Variants in ATM observed in about 807,000 individuals in gnomAD.
ATM encodes ATM serine/threonine kinase.
ATM carries 308 observed loss-of-function variants against 387.0 expected under a neutral mutation model. The ratio of observed to expected loss-of-function variants is 0.80; its 90% CI spans 0.73 to 0.87. The LOEUF (loss-of-function observed/expected upper bound fraction) is 0.87. Ranked by LOEUF, ATM falls within the 40% of genes least tolerant of loss-of-function variation. The pLI is 0.00. For synonymous variants in ATM, 1,156 were observed against 1,187.3 expected (o/e 0.97, Z 0.54); for missense variants, 3,312 against 3,560.9 (o/e 0.93, Z 1.78).
intron 40 of ATM, 71 bp from the exon 41 acceptor site, chr11:108,315,752 A>G (rs1466579778): frequency 1.1e-5 from 13 of 1,190,098 alleles, no homozygotes; most frequent in South Asian, 2.5e-5. Context: ...TAATGATACA[A>G]TTTAAAATTT....
chr11:108,237,924 T>G (rs2079370245), intron 5 of ATM, among the ~76,000 whole-genome samples: 2 of 98,446 alleles, frequency 2.0e-5, no homozygotes, highest in East Asian at 2.8e-4. Flanking sequence ...TTTTTTTTTT[T>G]GCTTCTTTGT....
intron 34 of ATM, 46 bp downstream of exon 34, chr11:108,299,931 A>AT: frequency 6.6e-7 from 1 of 1,521,996 alleles, no homozygotes; most frequent in Non-Finnish European, 9.1e-7. Context: ...TATGACATTC[A>AT]TGGAGAATGA....
intron 7 of ATM, among the ~76,000 whole-genome samples, chr11:108,245,294 C>T (rs529379905): frequency 6.6e-6 from 1 of 152,264 alleles, no homozygotes; most frequent in East Asian, 1.9e-4. Context: ...CCTCTAGGAG[C>T]TACTTATGCA....
intron 61 of ATM, among the ~76,000 whole-genome samples, chr11:108,356,989 AGC>A (rs1479757795): frequency 2.0e-5 from 3 of 152,204 alleles, no homozygotes; most frequent in Non-Finnish European, 2.9e-5. Flanking sequence ...TCCCAGCGTG[AGC>A]GATGCAGAAG....
At chr11:108,327,538 C>T in intron 47 of ATM, 107 bp from the exon 48 acceptor site, 1 of 871,674 alleles carries the variant, frequency 1.1e-6, no homozygotes, top group East Asian at 2.7e-5. Flanking sequence ...TTTTCCCACC[C>T]ACCAAGGAAA....
chr11:108,357,584 G>A (rs1476593204), intron 61 of ATM, among the ~76,000 whole-genome samples: 19 of 152,258 alleles, frequency 1.2e-4, no homozygotes, highest in South Asian at 1.0e-3. Flanking sequence ...CTCCCAGCAC[G>A]CAGCTGGAGA....
At position 108,293,885 on chromosome 11, in the gene ATM, A is replaced by AT. The variant is rs1275044168; in HGVS notation, c.4776+408_4776+409insT. On this transcript the variant is annotated intron_variant, in intron 31 of 62. Coordinates refer to ENST00000675843, the MANE Select transcript of ATM (RefSeq NM_000051.4). Reference sequence around the variant, plus strand: ...AGAGTGAGACCCTGTCTCAAAAAAAAAAAAAAAAAATATATATATATATAT... The same window carrying AT: ...AGAGTGAGACCCTGTCTCAAAAAAAATAAAAAAAAAATATATATATATATAT... Among the ~76,000 whole-genome samples, 215 of 106,010 alleles carry AT rather than the reference A, an allele frequency of 2.0e-3. 1 individual carries two copies. Among genetic ancestry groups the AT allele is most frequent in the Non-Finnish European group, 3.2e-3 (162 of 50,536 alleles). The allele number at this position is 106,010 out of a possible 152,430, so 69.5% of individuals were successfully genotyped here. A position where few individuals can be genotyped will look rare whatever the true frequency, so the allele number is the denominator to read the frequency against.
intron 61 of ATM, chr11:108,356,219 ATAT>A (rs1171519859): frequency 6.6e-6 from 1 of 152,126 alleles, no homozygotes; most frequent in Non-Finnish European, 1.5e-5. Context: ...CTCTAAAGTT[ATAT>A]TATCTTGCAC....
At chr11:108,246,533 A>G (rs1477743311) in intron 7 of ATM, among the ~76,000 whole-genome samples, 3 of 152,232 alleles carry the variant, frequency 2.0e-5, no homozygotes, top group African/African-American at 7.2e-5. Flanking sequence ...GTTGACTGGA[A>G]TGTGTCTTGG....
Position 108,331,496 on chromosome 11 carries a change from T to G in ATM, c.7568T>G (p.Leu2523Trp), listed in dbSNP as rs747145967. 1.2e-6 allele frequency: 2 copies of G among 1,613,554 alleles called. No individual in the cohort carries two copies. Among genetic ancestry groups the G allele is most frequent in the South Asian group, 1.1e-5 (1 of 91,032 alleles). Residue 2523 changes from leucine (L) to tryptophan (W), a missense_variant, in exon 51 of 63, where the codon TTG (leucine) becomes TGG (tryptophan). Physicochemically the swap from Leu to Trp is moderately conservative, Grantham distance 61 (BLOSUM62 -2). Coordinates refer to ENST00000675843, the MANE Select transcript of ATM (RefSeq NM_000051.4). ...AAATTTTTGCCTCTTATGTACCAAT[T>G]GGCTGCTAGAATGGGGACCAAGATG... ...TYKFLPLMYQ[L>W]AARMGTKMMG...
rs1565355234 is a variant in ATM, at chr11:108,234,852, T to C, written c.332-818T>C. Among the ~76,000 whole-genome samples, 5 of 138,194 alleles carry C rather than the reference T, an allele frequency of 3.6e-5. No individual in the cohort carries two copies. In the Admixed American group the frequency reaches 3.7e-4, roughly 10 times the overall value. The allele number at this position is 138,194 out of a possible 152,430, so 90.7% of individuals were successfully genotyped here. ...CGAGACCCTGTCTTAAAAAAAAAAA[T>C]TACAACCTGAGGTGTTTGTATGCCA... On this transcript the variant is annotated intron_variant, in intron 4 of 62. Coordinates refer to ENST00000675843, the MANE Select transcript of ATM (RefSeq NM_000051.4).
chr11:108,317,648 TATATACAC>T (rs1181536529), intron 43 of ATM, 127 bp downstream of exon 43: 61 of 133,378 alleles, frequency 4.6e-4, no homozygotes, highest in African/African-American at 2.5e-3. Context: ...TATATATATA[TATATACAC>T]ACACACACAC....
chr11:108,303,464 C>T (rs650128), intron 36 of ATM, among the ~76,000 whole-genome samples: 74,858 of 151,804 alleles, frequency 0.49, 20,047 homozygotes, highest in Middle Eastern at 0.72. Flanking sequence ...AAGGTACATA[C>T]CAAATGAAAC....
At chr11:108,334,899 A>T (rs2136646343) in intron 54 of ATM, 70 bp from the exon 55 acceptor site, 1 of 1,516,994 alleles carries the variant, frequency 6.6e-7, no homozygotes. Context: ...ATTGCCATTT[A>T]TAATGTATTT....
Position 108,295,059 on chromosome 11 carries a change from G to C in ATM, c.4909G>C (p.Asp1637His), listed in dbSNP as rs753870656. 1 of 1,613,694 alleles carries C rather than the reference G, an allele frequency of 6.2e-7. No individual in the cohort carries two copies. The highest frequency in any genetic ancestry group is 1.7e-5 in the Admixed American group (1 of 60,000). ...GGTGGACATTATGAGAGCTTCTCAG[G>C]GTGCTAATTTTAAATGACATGGGCT... is the stretch of plus-strand genomic sequence containing the variant. ...QMVDIMRASQ[D>H]NPQDGIMVKL... The change falls in exon 32 of 63, where the codon GAT becomes CAT. Residue 1637 changes from aspartate (D) to histidine (H), a missense_variant and splice_region_variant. By Grantham distance (81) the Asp-to-His change is moderately conservative (BLOSUM62 -1). Around this residue, in one of 4 missense-constraint regions of ATM, gnomAD observed 1,405 missense variants for 1,604.4 expected, o/e 0.88. Coordinates refer to ENST00000675843, the MANE Select transcript of ATM (RefSeq NM_000051.4).
chr11:108,237,000 A>C, intron 5 of ATM, among the ~76,000 whole-genome samples: 1 of 152,102 alleles, frequency 6.6e-6, no homozygotes, highest in Non-Finnish European at 1.5e-5. Flanking sequence ...GAAAGTATTT[A>C]AGCTAAATTT....
intron 38 of ATM, chr11:108,308,739 A>G: frequency 5.1e-6 from 2 of 391,146 alleles, no homozygotes; most frequent in Admixed American, 7.5e-5. Context: ...TTTAAGCCTA[A>G]ATGCATTAAT....
In ATM at chr11:108,332,045, G is replaced by C. The variant is rs112775908; in HGVS notation, c.7788+8G>C. ...AGCTCTCAGCTTGATGAGGTATTTG[G>C]ATTAAACATACGTACCTTTTAGAAG... On this transcript the variant is annotated splice_region_variant and intron_variant, in intron 52 of 62. Transcript: ENST00000675843. The C allele has an allele frequency of 6.2e-7, 1 of 1,613,314 alleles. No individual in the cohort carries two copies.
intron 40 of ATM, 93 bp from the exon 41 acceptor site, chr11:108,315,730 G>A: frequency 1.2e-6 from 1 of 862,334 alleles, no homozygotes; most frequent in South Asian, 1.4e-5. Flanking sequence ...AGAGTTGGGA[G>A]TTACATATTG....
Sources: allele counts gnomAD v4.1 joint callset (sites outside exome capture counted in the v4.1 genomes callset), GRCh38; gene constraint gnomAD v4.1.1; regional missense constraint gnomAD v4.1.1; transcripts MANE v1.5; gene names NCBI Gene and HGNC (gene_info 2026-07-23, HGNC 2026-07-21).